DLG1: variants seen among roughly 807,000 people sequenced by gnomAD.
The protein encoded by DLG1 is discs large MAGUK scaffold protein 1, also known as disks large homolog 1.
In DLG1, 42 loss-of-function variants were observed where a neutral mutation model predicts 123.4. That is an observed-to-expected ratio of 0.34 (90% CI 0.27 to 0.44). DLG1 has a LOEUF of 0.44. Ranked by LOEUF, DLG1 falls within the 20% of genes least tolerant of loss-of-function variation. DLG1 has a pLI of 1.00. For synonymous variants in DLG1, 317 were observed against 356.2 expected (o/e 0.89, Z 1.24); for missense variants, 942 against 1,082.6 (o/e 0.87, Z 1.82).
At chr3:197,143,583 C>G (rs188303048) in intron 6 of DLG1, among the ~76,000 whole-genome samples, 21 of 152,132 alleles carry the variant, frequency 1.4e-4, no homozygotes, top group Non-Finnish European at 2.4e-4. Flanking sequence ...AAGCCCATAA[C>G]ATACTTCCTC....
At chr3:197,156,415 T>C (rs1048057683) in intron 5 of DLG1, among the ~76,000 whole-genome samples, 2 of 151,970 alleles carry the variant, frequency 1.3e-5, no homozygotes, top group Non-Finnish European at 2.9e-5. Flanking sequence ...AAGGCATATA[T>C]ATAAAGAAAA....
At chr3:197,287,721 A>G (rs775873662) in intron 3 of DLG1, among the ~76,000 whole-genome samples, 8 of 152,232 alleles carry the variant, frequency 5.3e-5, no homozygotes, top group Non-Finnish European at 1.2e-4. Flanking sequence ...ATATTTCTTT[A>G]ATCAACAAAA....
chr3:197,149,722 TG>T lies in DLG1; in HGVS notation c.537+20del. ...CAGGAAAGGCAGAATTACTTCAATGTGGGGAGGAAATGGAACTTACGTAAGT... is the reference window on the plus strand; with the variant it reads ...CAGGAAAGGCAGAATTACTTCAATGTGGGAGGAAATGGAACTTACGTAAGT... On this transcript the variant is annotated intron_variant, in intron 6 of 24. Transcript: ENST00000667157. The T allele has an allele frequency of 6.6e-7, 1 of 1,516,318 alleles. No individual in the cohort carries two copies. Among genetic ancestry groups the T allele is most frequent in the Non-Finnish European group, 9.2e-7 (1 of 1,090,984 alleles). 93.9% of individuals were successfully genotyped at this position (1,516,318 alleles called of 1,614,324 possible). A position where few individuals can be genotyped will look rare whatever the true frequency, so the allele number is the denominator to read the frequency against.
At chr3:197,240,921 C>G (rs541934513) in intron 4 of DLG1, among the ~76,000 whole-genome samples, 1 of 61,682 alleles carries the variant, frequency 1.6e-5, no homozygotes, top group African/African-American at 6.5e-5. Flanking sequence ...AAAATTACCT[C>G]AAAAAAAAAA....
At chr3:197,145,884 G>C (rs1376884010) in intron 6 of DLG1, among the ~76,000 whole-genome samples, 2 of 151,824 alleles carry the variant, frequency 1.3e-5, no homozygotes, top group Non-Finnish European at 2.9e-5. Context: ...GGGGTAGGGT[G>C]GGGGCTGAGA....
intron 24 of DLG1, among the ~76,000 whole-genome samples, chr3:197,048,872 G>C (rs1725277393): frequency 6.6e-6 from 1 of 152,068 alleles, no homozygotes; most frequent in Admixed American, 6.6e-5. Context: ...GGTCAGGCTG[G>C]TCTCGGACTC....
chr3:197,272,273 C>T (rs775080043), intron 4 of DLG1, among the ~76,000 whole-genome samples: 1 of 151,962 alleles, frequency 6.6e-6, no homozygotes, highest in African/African-American at 2.4e-5. Flanking sequence ...ATAGCTTGAG[C>T]CCGTTAGTTC....
intron 22 of DLG1, among the ~76,000 whole-genome samples, chr3:197,062,388 G>A (rs1011904809): frequency 2.6e-5 from 4 of 152,126 alleles, no homozygotes; most frequent in African/African-American, 9.7e-5. Flanking sequence ...TCACTTTTGC[G>A]CCTCTGAAAA....
At chr3:197,064,611 T>C (rs923632760) in intron 22 of DLG1, among the ~76,000 whole-genome samples, 1 of 152,250 alleles carries the variant, frequency 6.6e-6, no homozygotes, top group Non-Finnish European at 1.5e-5. Flanking sequence ...TTTTTTTCTA[T>C]TGGGTTTCTG....
chr3:197,076,125 G>A (rs1245263526), intron 18 of DLG1, among the ~76,000 whole-genome samples: 1 of 152,092 alleles, frequency 6.6e-6, no homozygotes, highest in Non-Finnish European at 1.5e-5. Context: ...ACCATTTCTT[G>A]CTATTTTAAA....
At chr3:197,280,870 A>T (rs1475230403) in intron 4 of DLG1, among the ~76,000 whole-genome samples, 1 of 152,220 alleles carries the variant, frequency 6.6e-6, no homozygotes, top group African/African-American at 2.4e-5. Context: ...GAGACTGGGT[A>T]ATTTATGAAA....
chr3:197,268,394 A>C (rs1034065912), intron 4 of DLG1, among the ~76,000 whole-genome samples: 1 of 152,022 alleles, frequency 6.6e-6, no homozygotes, highest in Non-Finnish European at 1.5e-5. Context: ...TTTTTGGCAT[A>C]ATATGACAGT....
At chr3:197,123,649 T>C (rs1777554668) in intron 11 of DLG1, among the ~76,000 whole-genome samples, 1 of 152,180 alleles carries the variant, frequency 6.6e-6, no homozygotes, top group Non-Finnish European at 1.5e-5. Context: ...GGGGTCTTAA[T>C]TGCCTCCTAT....
chr3:197,294,985 T>A (rs529709137), intron 3 of DLG1, among the ~76,000 whole-genome samples: 91 of 152,300 alleles, frequency 6.0e-4, no homozygotes, highest in African/African-American at 2.0e-3. Flanking sequence ...ATTACTAGGC[T>A]CAATGTTGAT....
intron 3 of DLG1, among the ~76,000 whole-genome samples, chr3:197,291,300 T>TAAACACACACAC (rs1160921683): frequency 2.1e-5 from 3 of 143,290 alleles, no homozygotes; most frequent in African/African-American, 7.8e-5. Context: ...CCTACAAAGT[T>TAAACACACACAC]ACACACACAC....
chr3:197,204,268 G>A (rs753236422), intron 4 of DLG1, among the ~76,000 whole-genome samples: 2 of 152,142 alleles, frequency 1.3e-5, no homozygotes, highest in African/African-American at 4.8e-5. Context: ...TCTTGACAAC[G>A]GTTTAATATG....
At chr3:197,224,850 G>GA (rs148243160) in intron 4 of DLG1, among the ~76,000 whole-genome samples, 1 of 151,890 alleles carries the variant, frequency 6.6e-6, no homozygotes, top group East Asian at 1.9e-4. Context: ...AAACTAAAAA[G>GA]AAAAAAAAGT....
At chr3:197,125,934 G>C (rs551245668) in intron 11 of DLG1, among the ~76,000 whole-genome samples, 28 of 152,286 alleles carry the variant, frequency 1.8e-4, no homozygotes, top group Admixed American at 1.6e-3. Context: ...GGGTGACTGT[G>C]CAGGCTTCAG....
chr3:197,290,375 C>T (rs1417998895), intron 3 of DLG1, among the ~76,000 whole-genome samples: 1 of 152,068 alleles, frequency 6.6e-6, no homozygotes, highest in Non-Finnish European at 1.5e-5. Context: ...AGGATATGTA[C>T]ATGGTGTTAA....
Sources: allele counts gnomAD v4.1 joint callset (sites outside exome capture counted in the v4.1 genomes callset), GRCh38; gene constraint gnomAD v4.1.1; transcripts MANE v1.5; gene names NCBI Gene and HGNC (gene_info 2026-07-23, HGNC 2026-07-21).